AKAP19: variants seen among roughly 807,000 people sequenced by gnomAD.
AKAP19 encodes small A-kinase anchoring protein.
At chr2:189,933,824 T>A in the AKAP19 span, among the ~76,000 whole-genome samples, 1 of 152,284 alleles carries the variant, frequency 6.6e-6, no homozygotes, top group Admixed American at 6.5e-5. Flanking sequence ...ATATTTGATA[T>A]TATTTTGTCA....
the AKAP19 span, among the ~76,000 whole-genome samples, chr2:190,111,592 C>T: frequency 6.6e-6 from 1 of 152,072 alleles, no homozygotes; most frequent in Non-Finnish European, 1.5e-5. Flanking sequence ...CCAGGACCAG[C>T]CTAGGTTACC....
chr2:190,180,986 C>G, the AKAP19 span: 1 of 985,674 alleles, frequency 1.0e-6, no homozygotes, highest in Non-Finnish European at 1.2e-6. This position sits in a 1 kb window ranked among gnomAD's most constrained non-coding sequence, Gnocchi z 6.8. Context: ...GCAAGCCCCC[C>G]TCCCACGACA....
chr2:189,896,606 C>T, the AKAP19 span, among the ~76,000 whole-genome samples: 1 of 151,940 alleles, frequency 6.6e-6, no homozygotes. Flanking sequence ...TGGTTTATAT[C>T]AATGCAAATG....
At chr2:189,998,481 A>G in the AKAP19 span, among the ~76,000 whole-genome samples, 1 of 152,162 alleles carries the variant, frequency 6.6e-6, no homozygotes, top group African/African-American at 2.4e-5. Flanking sequence ...TTTAAAATTA[A>G]TTTTTGGTAA....
the AKAP19 span, among the ~76,000 whole-genome samples, chr2:190,059,669 C>A: frequency 6.6e-6 from 1 of 151,682 alleles, no homozygotes; most frequent in South Asian, 2.1e-4. Context: ...CATTTGGCAC[C>A]CTTCTGGGAG....
the AKAP19 span, among the ~76,000 whole-genome samples, chr2:189,932,729 C>T: frequency 4.8e-3 from 720 of 151,006 alleles, 6 homozygotes; most frequent in African/African-American, 0.017. Flanking sequence ...AAAAAGAATC[C>T]ATTACTATCA....
At chr2:189,994,342 G>A in the AKAP19 span, among the ~76,000 whole-genome samples, 1 of 151,592 alleles carries the variant, frequency 6.6e-6, no homozygotes, top group Non-Finnish European at 1.5e-5. Flanking sequence ...TGTTCTGCTT[G>A]GTTTGGGTTT....
the AKAP19 span, among the ~76,000 whole-genome samples, chr2:189,952,593 G>A: frequency 6.6e-6 from 1 of 152,154 alleles, no homozygotes; most frequent in Non-Finnish European, 1.5e-5. Context: ...AATGGTAAAA[G>A]AAAGTTAACA....
chr2:190,081,999 G>C, the AKAP19 span, among the ~76,000 whole-genome samples: 1 of 152,124 alleles, frequency 6.6e-6, no homozygotes, highest in Non-Finnish European at 1.5e-5. Flanking sequence ...CACTGATACA[G>C]CTATCCACCT....
chr2:190,055,163 T>A, the AKAP19 span, among the ~76,000 whole-genome samples: 2 of 151,768 alleles, frequency 1.3e-5, no homozygotes, highest in African/African-American at 4.8e-5. Context: ...AAATGATGAG[T>A]TCATGTCCTT....
At chr2:190,171,506 A>C in the AKAP19 span, among the ~76,000 whole-genome samples, 14 of 152,340 alleles carry the variant, frequency 9.2e-5, no homozygotes, top group African/African-American at 3.4e-4. Context: ...AGTTCAAAAA[A>C]ATACAAGCCT....
the AKAP19 span, among the ~76,000 whole-genome samples, chr2:190,102,906 G>A: frequency 3.3e-5 from 5 of 152,004 alleles, no homozygotes; most frequent in African/African-American, 1.2e-4. Flanking sequence ...AAGACTGCAG[G>A]CCAATATCCC....
chr2:189,935,028 A>C, the AKAP19 span, among the ~76,000 whole-genome samples: 2 of 152,060 alleles, frequency 1.3e-5, no homozygotes, highest in Non-Finnish European at 2.9e-5. Flanking sequence ...AAACCTGAAA[A>C]TTTCTGATCT....
At chr2:190,097,313 G>C in the AKAP19 span, among the ~76,000 whole-genome samples, 1 of 152,106 alleles carries the variant, frequency 6.6e-6, no homozygotes, top group African/African-American at 2.4e-5. Flanking sequence ...TTATCAGTGA[G>C]AACATACAGT....
At chr2:190,051,775 A>G in the AKAP19 span, among the ~76,000 whole-genome samples, 24 of 152,140 alleles carry the variant, frequency 1.6e-4, no homozygotes, top group African/African-American at 5.8e-4. Flanking sequence ...AGGCATATCT[A>G]CAAGTAGGGA....
At chr2:190,028,514 G>A in the AKAP19 span, among the ~76,000 whole-genome samples, 5 of 152,154 alleles carry the variant, frequency 3.3e-5, no homozygotes, top group Non-Finnish European at 5.9e-5. Flanking sequence ...TTATATCTCA[G>A]ACAAAATGAT....
the AKAP19 span, among the ~76,000 whole-genome samples, chr2:190,036,706 A>G: frequency 1.0e-2 from 1,521 of 152,292 alleles, 19 homozygotes; most frequent in African/African-American, 0.033. Flanking sequence ...TATCGTGTAG[A>G]ATAGACTCAT....
chr2:189,997,934 G>A, the AKAP19 span, among the ~76,000 whole-genome samples: 1 of 152,162 alleles, frequency 6.6e-6, no homozygotes, highest in Admixed American at 6.5e-5. Context: ...TATAGTGAGG[G>A]ATGGCTTCCC....
chr2:190,154,674 G>C, the AKAP19 span, among the ~76,000 whole-genome samples: 1 of 152,178 alleles, frequency 6.6e-6, no homozygotes, highest in Non-Finnish European at 1.5e-5. Flanking sequence ...TTTGCTTTAT[G>C]ATAGAAGTAT....
Sources: allele counts gnomAD v4.1 joint callset (sites outside exome capture counted in the v4.1 genomes callset), GRCh38; gene constraint gnomAD v4.1.1; non-coding constraint Gnocchi (gnomAD v3.1); transcripts MANE v1.5; gene names NCBI Gene and HGNC (gene_info 2026-07-23, HGNC 2026-07-21).